CD84: variants seen among roughly 807,000 people sequenced by gnomAD.
CD84 encodes CD84 molecule.
Under a neutral mutation model 33.8 loss-of-function variants are expected in CD84, and 22 were observed. The ratio of observed to expected loss-of-function variants is 0.65; its 90% CI spans 0.46 to 0.93. CD84 has a LOEUF of 0.93. Ranked by LOEUF, CD84 falls within the 40% of genes least tolerant of loss-of-function variation. The pLI is 0.00. For missense variants in CD84, 400 were observed against 397.6 expected, an observed-to-expected ratio of 1.01 and a Z score of -0.05; for synonymous variants, 154 against 145.2, an observed-to-expected ratio of 1.06 and a Z score of -0.44.
intron 4 of CD84, 61 bp downstream of exon 4, chr1:160,553,317 G>C (rs1269055361): frequency 6.2e-7 from 1 of 1,613,552 alleles, no homozygotes; most frequent in Non-Finnish European, 8.5e-7. Context: ...TGGATAAATG[G>C]CTTCAGTCCC....
At chr1:160,574,724 G>A (rs369451885) in intron 1 of CD84, among the ~76,000 whole-genome samples, 3 of 152,282 alleles carry the variant, frequency 2.0e-5, no homozygotes, top group African/African-American at 7.2e-5. Flanking sequence ...CCCAGGGAAA[G>A]TCAGTAACCT....
chr1:160,557,552 C>T (rs1656687292), intron 2 of CD84, among the ~76,000 whole-genome samples: 1 of 152,170 alleles, frequency 6.6e-6, no homozygotes, highest in Non-Finnish European at 1.5e-5. Context: ...GGCAGATGAA[C>T]AGTGAAATCT....
At chr1:160,561,069 GC>G (rs1388219248) in intron 2 of CD84, among the ~76,000 whole-genome samples, 1 of 152,188 alleles carries the variant, frequency 6.6e-6, no homozygotes, top group East Asian at 1.9e-4. Flanking sequence ...CAGATTCACA[GC>G]TGAGTTCTAC....
At chr1:160,570,886 A>C (rs575619762) in intron 1 of CD84, 1 of 152,254 alleles carries the variant, frequency 6.6e-6, no homozygotes, top group African/African-American at 2.4e-5. Flanking sequence ...TAAATAAATA[A>C]ATACATAAAA....
chr1:160,560,514 C>G (rs1011150898), intron 2 of CD84, among the ~76,000 whole-genome samples: 1 of 152,094 alleles, frequency 6.6e-6, no homozygotes, highest in Non-Finnish European at 1.5e-5. Context: ...GGGAAACTTA[C>G]AGCACTAAAT....
At chr1:160,567,828 G>A (rs1387814774) in intron 1 of CD84, among the ~76,000 whole-genome samples, 2 of 152,052 alleles carry the variant, frequency 1.3e-5, no homozygotes, top group African/African-American at 2.4e-5. Flanking sequence ...CTAGGAGAGG[G>A]GTATTTGGAG....
intron 2 of CD84, among the ~76,000 whole-genome samples, chr1:160,559,106 C>G (rs927052542): frequency 1.3e-5 from 2 of 152,152 alleles, no homozygotes; most frequent in African/African-American, 2.4e-5. Flanking sequence ...GACAGGCCAA[C>G]CTTCAGATTC....
rs779880358 is a variant in CD84 at position 160,562,779 on chromosome 1, CA to C, written c.388+2624del. 1.5e-4 allele frequency among the ~76,000 whole-genome samples: 23 copies of C among 152,154 alleles called. No individual in the cohort carries two copies. In the East Asian group the frequency reaches 3.3e-3, roughly 22 times the overall value. On this transcript the variant is annotated intron_variant, in intron 2 of 6. Transcript: ENST00000368054. ...CAAAAGAAACTATCATCAGAGTGAACAAACAACCTACAGAATGGGAGAAAAT... is the reference window on the plus strand; with the variant it reads ...CAAAAGAAACTATCATCAGAGTGAACAACAACCTACAGAATGGGAGAAAAT...
At chr1:160,574,651 T>TA (rs1657888445) in intron 1 of CD84, among the ~76,000 whole-genome samples, 1 of 152,154 alleles carries the variant, frequency 6.6e-6, no homozygotes, top group Non-Finnish European at 1.5e-5. Context: ...CACCATGGGT[T>TA]AGTCACTGAG....
chr1:160,554,118 C>G lies in CD84; in HGVS notation c.417G>C (p.Gln139His). 2 of 1,613,454 alleles carry G rather than the reference C, an allele frequency of 1.2e-6. No individual in the cohort carries two copies. The highest frequency in any genetic ancestry group is 1.7e-5 in the Admixed American group (1 of 60,016). ...TGCTGTTCACAGATGCCATTAAACT[C>G]TGTGTAATTTTTGGTTTCCCAAGCC... ...YRRLGKPKIT[Q>H]SLMASVNSTC... The change falls in exon 3 of 7, where the codon CAG becomes CAC. Residue 139 changes from glutamine (Q) to histidine (H), a missense_variant. Gln to His is a conservative substitution (Grantham distance 24). Coordinates refer to ENST00000368054, the MANE Select transcript of CD84 (RefSeq NM_003874.4).
chr1:160,556,543 G>C (rs1656621236), intron 2 of CD84, among the ~76,000 whole-genome samples: 1 of 152,228 alleles, frequency 6.6e-6, no homozygotes, highest in Admixed American at 6.5e-5. Context: ...GAAGAAGCTG[G>C]CTACAGCCAC....
At chr1:160,574,607 A>G (rs1657886072) in intron 1 of CD84, among the ~76,000 whole-genome samples, 3 of 152,130 alleles carry the variant, frequency 2.0e-5, no homozygotes, top group African/African-American at 7.2e-5. Flanking sequence ...AGTGGTCCTA[A>G]GGAGAGCCTT....
At chr1:160,561,473 T>G (rs1018329205) in intron 2 of CD84, among the ~76,000 whole-genome samples, 1 of 152,132 alleles carries the variant, frequency 6.6e-6, no homozygotes, top group African/African-American at 2.4e-5. Context: ...TCACTTCATG[T>G]TAAACACTCT....
intron 2 of CD84, among the ~76,000 whole-genome samples, chr1:160,559,603 G>T (rs1020215997): frequency 4.5e-4 from 69 of 152,210 alleles, no homozygotes; most frequent in African/African-American, 1.6e-3. Flanking sequence ...CTAGCATAAT[G>T]ATGACACGAT....
At chr1:160,553,847 C>A in intron 3 of CD84, 48 bp downstream of exon 3, 1 of 1,613,778 alleles carries the variant, frequency 6.2e-7, no homozygotes, top group South Asian at 1.1e-5. Flanking sequence ...TGCAGCTCCT[C>A]AGAGTGATCT....
At position 160,565,765 on chromosome 1, in the gene CD84, A is replaced by G; in HGVS notation, c.47-20T>C. The G allele has an allele frequency of 6.5e-7, 1 of 1,541,632 alleles. No homozygotes were observed. Among genetic ancestry groups the G allele is most frequent in the Non-Finnish European group, 8.7e-7 (1 of 1,146,572 alleles). Reference sequence around the variant, plus strand: ...CCGGCCCTGAGAACATAAAAAGAAAACTGTAGCCATCTGACTGTTGCAGCT... The same window carrying G: ...CCGGCCCTGAGAACATAAAAAGAAAGCTGTAGCCATCTGACTGTTGCAGCT... On this transcript the variant is annotated intron_variant, in intron 1 of 6. Coordinates refer to ENST00000368054, the MANE Select transcript of CD84 (RefSeq NM_003874.4).
chr1:160,579,244 C>A, intron 1 of CD84, 148 bp downstream of exon 1: 1 of 968,674 alleles, frequency 1.0e-6, no homozygotes. Context: ...TCTCCCCAGC[C>A]AGTTGGATCC....
chr1:160,570,735 A>T (rs536473713), intron 1 of CD84, among the ~76,000 whole-genome samples: 21 of 152,262 alleles, frequency 1.4e-4, no homozygotes. Flanking sequence ...GATGGTGCAC[A>T]CCTGTAGTCC....
chr1:160,543,272 G>A lies in CD84; in HGVS notation c.*4984C>T, dbSNP rs1252366826. 6.6e-6 allele frequency: 1 copy of A among 152,136 alleles called. No individual in the cohort carries two copies. Among genetic ancestry groups the A allele is most frequent in the African/African-American group, 2.4e-5 (1 of 41,414 alleles). The allele number at this position is 152,136 out of a possible 1,614,324, so 9.4% of individuals were successfully genotyped here. ...TTGTGGTCCACCTATTATGTGTCAA[G>A]CAAAGTGCCAGGTGTGTGTACACCT... is the stretch of plus-strand genomic sequence containing the variant. On this transcript the variant is annotated 3_prime_UTR_variant, in exon 7 of 7. Transcript: ENST00000368054.
Sources: gnomAD v4.1 joint callset for allele counts (sites outside exome capture counted in the v4.1 genomes callset) on GRCh38, gnomAD v4.1.1 for gene constraint, MANE v1.5 for transcripts, NCBI Gene and HGNC (gene_info 2026-07-23, HGNC 2026-07-21) for gene names.